MACF1: variants seen among roughly 807,000 people sequenced by gnomAD.
The protein encoded by MACF1 is microtubule actin crosslinking factor 1.
MACF1 carries 193 observed loss-of-function variants against 854.8 expected under a neutral mutation model. The observed-to-expected ratio is 0.23, with a 90% confidence interval of 0.20 to 0.25. The LOEUF (loss-of-function observed/expected upper bound fraction) is 0.25. Ranked by LOEUF, MACF1 falls within the 10% of genes least tolerant of loss-of-function variation. The pLI is 1.00. For missense variants in MACF1, 7,722 were observed against 8,929.1 expected, an observed-to-expected ratio of 0.86 and a Z score of 5.45; for synonymous variants, 3,185 against 3,226.7, an observed-to-expected ratio of 0.99 and a Z score of 0.44.
intron 15 of MACF1, among the ~76,000 whole-genome samples, chr1:39,289,684 T>C (rs1473484672): frequency 1.5e-5 from 2 of 136,186 alleles, no homozygotes; most frequent in East Asian, 4.6e-4. Flanking sequence ...TCCCATTCTG[T>C]GGGTTGTCCT....
In MACF1 at chr1:39,352,242, A is replaced by C. The variant is rs919472491; in HGVS notation, c.11200-765A>C. 3.3e-5 allele frequency among the ~76,000 whole-genome samples: 5 copies of C among 152,350 alleles called. No homozygotes were observed. In the South Asian group the frequency reaches 1.0e-3, roughly 32 times the overall value. ...TATTAAAATACATGTAGAGCCAGTA[A>C]ATATAATTTCAGAGGCAAGTTGAAG... On this transcript the variant is annotated intron_variant, in intron 43 of 100. Transcript: ENST00000564288.
At chr1:39,372,427 T>C in intron 51 of MACF1, 52 bp from the exon 52 acceptor site, 1 of 1,001,232 alleles carries the variant, frequency 1.0e-6, no homozygotes. Context: ...TGTCCCTACT[T>C]ATGAGGAAAA....
Position 39,130,608 on chromosome 1 carries a change from G to A in MACF1, c.220+46170G>A, listed in dbSNP as rs969791968. Among the ~76,000 whole-genome samples the A allele has an allele frequency of 3.3e-5, 5 of 152,258 alleles. No homozygotes were observed. In the Middle Eastern group the frequency reaches 0.01, roughly 311 times the overall value. ...ACTTCCTACAAGAGCTGACTCAAGA[G>A]TTCTCTTCTATTGTGGAGATGTTCC... On this transcript the variant is annotated intron_variant, in intron 2 of 93. Transcript: ENST00000361689.
At chr1:39,375,495 G>A (rs1344707990) in intron 52 of MACF1, among the ~76,000 whole-genome samples, 1 of 152,098 alleles carries the variant, frequency 6.6e-6, no homozygotes, top group Non-Finnish European at 1.5e-5. Flanking sequence ...TAGAGACAGG[G>A]TTTCACTGTG....
intron 2 of MACF1, among the ~76,000 whole-genome samples, chr1:39,100,575 C>T (rs965349633): frequency 3.3e-5 from 5 of 152,106 alleles, no homozygotes; most frequent in Admixed American, 2.0e-4. Flanking sequence ...AAATTTAGGC[C>T]GGGTGCGGTG....
In MACF1 at chr1:39,250,002, T is replaced by C; in HGVS notation, c.172-12T>C. 2 of 1,542,794 alleles carry C rather than the reference T, an allele frequency of 1.3e-6. No individual in the cohort carries two copies. Among genetic ancestry groups the C allele is most frequent in the Non-Finnish European group, 1.8e-6 (2 of 1,118,766 alleles). ...TCAAATAAAAATCTGTCTGTTTCAC[T>C]CTCATTCACAGGTCCGCAAGCACAT... On this transcript the variant is annotated splice_polypyrimidine_tract_variant and intron_variant, in intron 2 of 100. Transcript: ENST00000564288.
chr1:39,380,398 A>G (rs1029546930), intron 55 of MACF1, 25 bp downstream of exon 55: 3 of 1,603,456 alleles, frequency 1.9e-6, no homozygotes, highest in Non-Finnish European at 2.6e-6. Flanking sequence ...GAGTGTTACA[A>G]ATTTGCTAAG....
At chr1:39,122,315 C>T (rs369005659) in intron 2 of MACF1, among the ~76,000 whole-genome samples, 3 of 147,374 alleles carry the variant, frequency 2.0e-5, no homozygotes, top group South Asian at 4.3e-4. Context: ...AGTACAGTGG[C>T]GCGATGTCGG....
chr1:39,449,097 T>A (rs1325367734), intron 84 of MACF1, among the ~76,000 whole-genome samples: 1 of 152,212 alleles, frequency 6.6e-6, no homozygotes, highest in Admixed American at 6.5e-5. Context: ...CTACATGCAT[T>A]ACCTCATTTA....
intron 2 of MACF1, among the ~76,000 whole-genome samples, chr1:39,124,015 C>T (rs1264743451): frequency 1.3e-5 from 2 of 151,420 alleles, no homozygotes; most frequent in Non-Finnish European, 2.9e-5. Context: ...TGCGGGATTA[C>T]AGGCGTGAGC....
intron 56 of MACF1, among the ~76,000 whole-genome samples, chr1:39,384,468 G>C (rs1414082617): frequency 3.9e-5 from 6 of 152,034 alleles, no homozygotes; most frequent in African/African-American, 1.5e-4. Flanking sequence ...GAGGAAGCTG[G>C]GGTTTGAGAA....
chr1:39,207,372 C>G (rs1457764294), intron 1 of MACF1, among the ~76,000 whole-genome samples: 2 of 151,720 alleles, frequency 1.3e-5, no homozygotes, highest in Admixed American at 6.6e-5. Context: ...GCTCCGCCTC[C>G]CGGGTTCAAG....
chr1:39,381,815 G>A, intron 55 of MACF1, 138 bp from the exon 56 acceptor site: 2 of 683,992 alleles, frequency 2.9e-6, no homozygotes, highest in Non-Finnish European at 5.1e-6. Flanking sequence ...GTGATAGAGT[G>A]AGACACTGTC....
intron 23 of MACF1, among the ~76,000 whole-genome samples, chr1:39,306,199 G>A (rs548969017): frequency 8.8e-5 from 13 of 148,484 alleles, no homozygotes; most frequent in African/African-American, 1.7e-4. Context: ...TCCCTCTGTC[G>A]CCCAGGCTGG....
At position 39,110,401 on chromosome 1, in the gene MACF1, C is replaced by T. The variant is rs983078432; in HGVS notation, c.220+25963C>T. Among the ~76,000 whole-genome samples, 8 of 151,812 alleles carry T rather than the reference C, an allele frequency of 5.3e-5. No homozygotes were observed. In the South Asian group the frequency reaches 8.3e-4, roughly 16 times the overall value. On this transcript the variant is annotated intron_variant, in intron 2 of 93. Transcript: ENST00000361689. ...AACAGGCATGTGCCACCATGCCTGG[C>T]TAATTTTTAAGTATTTTGAAGAGAA... is the stretch of plus-strand genomic sequence containing the variant.
intron 67 of MACF1, 27 bp downstream of exon 67, chr1:39,432,681 A>G: frequency 2.5e-6 from 4 of 1,606,394 alleles, no homozygotes; most frequent in Non-Finnish European, 3.4e-6. Context: ...TCCTGAGCTA[A>G]TAGAATCATC....
chr1:39,446,269 A>G (rs1644227768), intron 80 of MACF1, among the ~76,000 whole-genome samples: 2 of 151,484 alleles, frequency 1.3e-5, no homozygotes, highest in South Asian at 4.1e-4. Context: ...TAAAGAATAT[A>G]AAGATATAAA....
Position 39,331,714 on chromosome 1 carries a change from G to T in MACF1, c.5126G>T (p.Gly1709Val). The T allele has an allele frequency of 6.2e-7, 1 of 1,614,150 alleles. No individual in the cohort carries two copies. The highest frequency in any genetic ancestry group is 8.5e-7 in the Non-Finnish European group (1 of 1,180,028). Residue 1709 changes from glycine to valine, a missense_variant, in exon 37 of 101, where the codon GGT becomes GTT. By Grantham distance (109) the Gly-to-Val change is moderately radical (BLOSUM62 -3). Around this residue, in one of 15 missense-constraint regions of MACF1, gnomAD observed 1,531 missense variants for 1,601.6 expected, o/e 0.96. Coordinates refer to ENST00000564288, the MANE Select transcript of MACF1 (RefSeq NM_001394062.1). ...LIDPNTAEKI[G>V]LLDLMQRCIV... ...GACCCTAACACAGCTGAGAAAATTG[G>T]TTTGCTGGATCTGATGCAGCGATGT...
In MACF1 at chr1:39,274,698, GTGAT is replaced by G. The variant is rs1347986510; in HGVS notation, c.529-7508_529-7505del. Among the ~76,000 whole-genome samples the G allele has an allele frequency of 4.6e-5, 7 of 152,186 alleles. 1 individual carries two copies. The East Asian group carries it at 9.6e-4, about 21-fold the overall frequency. On this transcript the variant is annotated intron_variant, in intron 6 of 100. Coordinates refer to ENST00000564288, the MANE Select transcript of MACF1 (RefSeq NM_001394062.1). ...AAGGGGTTACTATCCTATAGATAAA[GTGAT>G]TAAGAGCATGGAGCCAGATTGGCTA...
Sources: gnomAD v4.1 joint callset for allele counts (sites outside exome capture counted in the v4.1 genomes callset) on GRCh38, gnomAD v4.1.1 for gene constraint, gnomAD v4.1.1 regional missense constraint, MANE v1.5 for transcripts, NCBI Gene and HGNC (gene_info 2026-07-23, HGNC 2026-07-21) for gene names.